TKTL1: variants seen among roughly 807,000 people sequenced by gnomAD.
The protein encoded by TKTL1 is transketolase like 1.
A neutral mutation model predicts 39.3 loss-of-function variants in TKTL1; 1 was observed. The ratio of observed to expected loss-of-function variants is 0.03; its 90% CI spans 0.01 to 0.12. The LOEUF is 0.12. Ranked by LOEUF, TKTL1 falls within the 10% of genes least tolerant of loss-of-function variation. The pLI is 1.00. For missense variants in TKTL1, 575 were observed against 509.6 expected, an observed-to-expected ratio of 1.13 and a Z score of -1.24; for synonymous variants, 262 against 193.8, an observed-to-expected ratio of 1.35 and a Z score of -2.92.
rs1297184776 is a variant in TKTL1, at chrX:154,299,153, T to C, written c.134+3160T>C. 3.3e-3 allele frequency among the ~76,000 whole-genome samples: 302 copies of C among 91,813 alleles called. 3 individuals carry two copies. The highest frequency in any genetic ancestry group is 0.011 in the African/African-American group (281 of 24,625). The allele number at this position is 91,813 out of a possible 115,157, so 79.7% of individuals were successfully genotyped here. On this transcript the variant is annotated intron_variant, in intron 1 of 12. Coordinates refer to ENST00000369915, the MANE Select transcript of TKTL1 (RefSeq NM_012253.4). ...TTTTTCATTTTCTTTTTCTTTCTTT[T>C]TTTTTTTTTTTTTTTTTTTGAGACG...
chrX:154,300,959 T>G (rs1181844801), intron 1 of TKTL1, among the ~76,000 whole-genome samples: 1 of 109,767 alleles, frequency 9.1e-6, no homozygotes, highest in African/African-American at 3.3e-5. Context: ...CCTCCCAAAG[T>G]GCTGGAATTA....
At chrX:154,316,184 C>T (rs980255110) in intron 7 of TKTL1, among the ~76,000 whole-genome samples, 1 of 111,429 alleles carries the variant, frequency 9.0e-6, no homozygotes, top group Non-Finnish European at 1.9e-5. Context: ...ATTCTCCTGC[C>T]TCAGCCTCCC....
chrX:154,318,998 T>C (rs1425001135), intron 7 of TKTL1, among the ~76,000 whole-genome samples: 2 of 111,743 alleles, frequency 1.8e-5, no homozygotes, highest in Middle Eastern at 4.2e-3. Flanking sequence ...GGTTTTTTTT[T>C]CTGGACTGAG....
rs113430648 is a variant in TKTL1, at chrX:154,300,097, C to T, written c.134+4104C>T. Among the ~76,000 whole-genome samples, 595 of 107,450 alleles carry T rather than the reference C, an allele frequency of 5.5e-3. 5 individuals carry two copies. The highest frequency in any genetic ancestry group is 0.018 in the African/African-American group (532 of 29,253). 93.3% of individuals were successfully genotyped at this position (107,450 alleles called of 115,157 possible). On this transcript the variant is annotated intron_variant, in intron 1 of 12. Coordinates refer to ENST00000369915, the MANE Select transcript of TKTL1 (RefSeq NM_012253.4). ...GTGGCGCAATGTTGGCTCACTGCAA[C>T]CTCTGCTGTCCGGGTTCAAGCGATT...
chrX:154,299,527 A>G (rs1166437164), intron 1 of TKTL1, among the ~76,000 whole-genome samples: 1 of 110,543 alleles, frequency 9.0e-6, no homozygotes, highest in African/African-American at 3.3e-5. Flanking sequence ...TAAATTCTAT[A>G]TTGGTGAATT....
Position 154,323,258 on chromosome X carries a change from C to G in TKTL1, c.1238C>G (p.Thr413Ser), listed in dbSNP as rs1222633627. Residue 413 changes from threonine to serine, a missense_variant, in exon 9 of 13, where the codon ACC (threonine) becomes AGC (serine). By Grantham distance (58) the Thr-to-Ser change is moderately conservative. Coordinates refer to ENST00000369915, the MANE Select transcript of TKTL1 (RefSeq NM_012253.4). ...CTGGAGGATATAGCCATGTTCCGAA[C>G]CATTCCCAAGTGCACGATCTTCTAC... ...MALEDIAMFR[T>S]IPKCTIFYPT... 1 of 1,211,523 alleles carries G rather than the reference C, an allele frequency of 8.3e-7. No homozygotes were observed. The highest frequency in any genetic ancestry group is 1.1e-6 in the Non-Finnish European group (1 of 895,344).
rs193172423 is a variant in TKTL1 at position 154,307,127 on chromosome X, G to T, written c.252+1706G>T. ...GTGTCTACAAAAAATACGAAAATTAGCTGGGCGTGGTGGTGCGTGCCTGCA... is the reference window on the plus strand; with the variant it reads ...GTGTCTACAAAAAATACGAAAATTATCTGGGCGTGGTGGTGCGTGCCTGCA... On this transcript the variant is annotated intron_variant, in intron 2 of 12. Transcript: ENST00000369915. Among the ~76,000 whole-genome samples the T allele has an allele frequency of 2.7e-5, 3 of 110,183 alleles. No individual in the cohort carries two copies. The East Asian group carries it at 8.6e-4, about 32-fold the overall frequency.
chrX:154,309,232 C>T (rs1485695158), intron 2 of TKTL1, 113 bp from the exon 3 acceptor site: 3 of 613,158 alleles, frequency 4.9e-6, no homozygotes, highest in African/African-American at 2.2e-5. Context: ...AGGGGCTGTT[C>T]GGATGGGACG....
At chrX:154,311,997 G>C (rs2067361677) in intron 5 of TKTL1, among the ~76,000 whole-genome samples, 1 of 110,858 alleles carries the variant, frequency 9.0e-6, no homozygotes, top group African/African-American at 3.3e-5. Flanking sequence ...CTCTCCCAAA[G>C]TTCCAGCTGG....
intron 7 of TKTL1, among the ~76,000 whole-genome samples, chrX:154,318,914 T>C (rs2067426795): frequency 9.0e-6 from 1 of 111,551 alleles, no homozygotes; most frequent in Admixed American, 9.6e-5. Flanking sequence ...GTCCTATCAT[T>C]TTTCTCTGCA....
In TKTL1 at chrX:154,312,530, C is replaced by T. The variant is rs1557168540; in HGVS notation, c.671-50C>T. 4.4e-6 allele frequency: 5 copies of T among 1,145,228 alleles called. No individual in the cohort carries two copies. The South Asian group carries it at 6.0e-5, about 14-fold the overall frequency. The allele number at this position is 1,145,228 out of a possible 1,213,427, so 94.4% of individuals were successfully genotyped here. On this transcript the variant is annotated intron_variant, in intron 5 of 12. Transcript: ENST00000369915. ...TCTGTTTTTCAGGTGACCTCATAGG[C>T]ACTCACTAAATATTTATGGAATGGA...
Position 154,297,766 on chromosome X carries a change from C to T in TKTL1, c.134+1773C>T, listed in dbSNP as rs1254113725. Among the ~76,000 whole-genome samples, 12 of 110,324 alleles carry T rather than the reference C, an allele frequency of 1.1e-4. No homozygotes were observed. In the Admixed American group the frequency reaches 1.2e-3, roughly 11 times the overall value. ...ATCAGCCTGGGCAAGATGGCAATCCCCTGTGCAGAATGTTACAAAAATTAG... is the reference window on the plus strand; with the variant it reads ...ATCAGCCTGGGCAAGATGGCAATCCTCTGTGCAGAATGTTACAAAAATTAG... On this transcript the variant is annotated intron_variant, in intron 1 of 12. Transcript: ENST00000369915.
intron 1 of TKTL1, among the ~76,000 whole-genome samples, chrX:154,302,707 T>C (rs1557166225): frequency 1.8e-5 from 2 of 111,570 alleles, no homozygotes; most frequent in Non-Finnish European, 3.8e-5. Flanking sequence ...TAGGGTTTTG[T>C]AGGTGAAATT....
chrX:154,322,844 G>C (rs782420949), intron 8 of TKTL1, among the ~76,000 whole-genome samples: 1 of 111,883 alleles, frequency 8.9e-6, no homozygotes, highest in Non-Finnish European at 1.9e-5. Flanking sequence ...GAGCAGAAAA[G>C]GGAGAACAAA....
intron 1 of TKTL1, among the ~76,000 whole-genome samples, chrX:154,299,089 T>A (rs2067252645): frequency 9.1e-6 from 1 of 110,369 alleles, no homozygotes; most frequent in African/African-American, 3.3e-5. Flanking sequence ...ACATAGGTTT[T>A]GGTATTTTGT....
At chrX:154,312,290 G>A (rs2067364269) in intron 5 of TKTL1, among the ~76,000 whole-genome samples, 1 of 111,972 alleles carries the variant, frequency 8.9e-6, no homozygotes. Context: ...GAGGCGGGAG[G>A]ATCACTCGAG....
intron 2 of TKTL1, among the ~76,000 whole-genome samples, chrX:154,305,653 C>T (rs1158988242): frequency 9.0e-6 from 1 of 110,805 alleles, no homozygotes; most frequent in Non-Finnish European, 1.9e-5. Flanking sequence ...TTGGTCACAC[C>T]CTGCCTCGCC....
chrX:154,302,200 T>G (rs1357584955), intron 1 of TKTL1, among the ~76,000 whole-genome samples: 2 of 111,247 alleles, frequency 1.8e-5, no homozygotes, highest in Non-Finnish European at 3.8e-5. Flanking sequence ...CCTCTTTCTT[T>G]TTTTTTTGCA....
rs974713221 is a variant in TKTL1 at position 154,325,280 on chromosome X, G to A, written c.1318-59G>A. On this transcript the variant is annotated intron_variant, in intron 9 of 12. Coordinates refer to ENST00000369915, the MANE Select transcript of TKTL1 (RefSeq NM_012253.4). ...ACACCCCTCCTTCACTTCTTTCAAC[G>A]TCTGTTGTTGGAAATTCATTGTTTG... is the stretch of plus-strand genomic sequence containing the variant. 30 of 1,075,228 alleles carry A rather than the reference G, an allele frequency of 2.8e-5. No individual in the cohort carries two copies. In the South Asian group the frequency reaches 4.5e-4, roughly 16 times the overall value. The allele number at this position is 1,075,228 out of a possible 1,213,427, so 88.6% of individuals were successfully genotyped here. A position where few individuals can be genotyped will look rare whatever the true frequency, so the allele number is the denominator to read the frequency against.
Sources: allele counts gnomAD v4.1 joint callset (sites outside exome capture counted in the v4.1 genomes callset), GRCh38; gene constraint gnomAD v4.1.1; transcripts MANE v1.5; gene names NCBI Gene and HGNC (gene_info 2026-07-23, HGNC 2026-07-21).